CCDC63: variants seen among roughly 807,000 people sequenced by gnomAD.
The protein encoded by CCDC63 is coiled-coil domain containing 63, also known as coiled-coil domain-containing protein 63.
Under a neutral mutation model 63.6 loss-of-function variants are expected in CCDC63, and 54 were observed. The ratio of observed to expected loss-of-function variants is 0.85; its 90% CI spans 0.68 to 1.07. CCDC63 has a LOEUF of 1.07. Ranked by LOEUF, CCDC63 falls within the 50% of genes least tolerant of loss-of-function variation. The pLI is 0.00. For missense variants in CCDC63, 637 were observed against 689.6 expected (o/e 0.92, Z 0.86); for synonymous variants, 253 against 266.1 (o/e 0.95, Z 0.48).
intron 9 of CCDC63, among the ~76,000 whole-genome samples, chr12:110,895,033 GC>G (rs2071401160): frequency 6.6e-6 from 1 of 151,846 alleles, no homozygotes; most frequent in Admixed American, 6.6e-5. Context: ...TCCTGCCTCC[GC>G]CCCCGAGTAG....
At chr12:110,862,534 T>C (rs2070868976) in intron 4 of CCDC63, among the ~76,000 whole-genome samples, 1 of 152,204 alleles carries the variant, frequency 6.6e-6, no homozygotes, top group African/African-American at 2.4e-5. Flanking sequence ...AAGCAGCATC[T>C]GACGTAAAGA....
chr12:110,869,952 A>G (rs984684899), intron 4 of CCDC63, among the ~76,000 whole-genome samples: 3 of 152,200 alleles, frequency 2.0e-5, no homozygotes, highest in African/African-American at 7.2e-5. Flanking sequence ...GAATGGTTAC[A>G]AAGATAATAT....
chr12:110,883,036 A>ATTTT (rs11350129), intron 7 of CCDC63, among the ~76,000 whole-genome samples: 1 of 137,890 alleles, frequency 7.3e-6, no homozygotes, highest in African/African-American at 2.7e-5. Flanking sequence ...CTAATTTTAA[A>ATTTT]TTTTTTTTTT....
chr12:110,905,092 T>C (rs963784521), intron 11 of CCDC63, among the ~76,000 whole-genome samples: 1 of 152,154 alleles, frequency 6.6e-6, no homozygotes, highest in African/African-American at 2.4e-5. Context: ...AACCTTAAAA[T>C]ATCAAAAGTT....
At chr12:110,886,557 G>A (rs2071282322) in intron 8 of CCDC63, among the ~76,000 whole-genome samples, 1 of 152,194 alleles carries the variant, frequency 6.6e-6, no homozygotes, top group South Asian at 2.1e-4. Flanking sequence ...AGGGAGGAAT[G>A]AGGATATGGC....
intron 4 of CCDC63, 78 bp downstream of exon 4, chr12:110,858,853 A>G (rs1269800010): frequency 8.0e-7 from 1 of 1,253,416 alleles, no homozygotes; most frequent in African/African-American, 1.5e-5. Flanking sequence ...GTGATGCCTT[A>G]GGCCAGACCT....
chr12:110,858,143 A>G (rs1371741358), intron 3 of CCDC63, among the ~76,000 whole-genome samples: 1 of 149,906 alleles, frequency 6.7e-6, no homozygotes, highest in Non-Finnish European at 1.5e-5. Flanking sequence ...AAAATAAAAT[A>G]AAATAAAATA....
intron 9 of CCDC63, 47 bp downstream of exon 9, chr12:110,893,197 G>C (rs2071379540): frequency 6.7e-7 from 1 of 1,483,300 alleles, no homozygotes; most frequent in Non-Finnish European, 9.4e-7. Flanking sequence ...TCTGTTGTCT[G>C]TCTCTGTGTC....
chr12:110,862,900 C>T (rs1305229487), intron 4 of CCDC63, among the ~76,000 whole-genome samples: 1 of 152,012 alleles, frequency 6.6e-6, no homozygotes, highest in African/African-American at 2.4e-5. Flanking sequence ...AGATTACAGG[C>T]ACCCGCCACC....
chr12:110,885,556 C>A (rs905373564), intron 8 of CCDC63, among the ~76,000 whole-genome samples: 1 of 152,224 alleles, frequency 6.6e-6, no homozygotes, highest in Non-Finnish European at 1.5e-5. Flanking sequence ...CTCCAAGACA[C>A]CCTCTGCTGC....
intron 1 of CCDC63, 102 bp from the exon 2 acceptor site, chr12:110,852,757 G>C (rs1364650169): frequency 1.4e-6 from 1 of 733,286 alleles, no homozygotes; most frequent in Non-Finnish European, 2.4e-6. Context: ...CCAAGGTGTG[G>C]GTGGAGGAAG....
At position 110,901,053 on chromosome 12, in the gene CCDC63, A is replaced by G. The variant is rs538946228; in HGVS notation, c.1342+1928A>G. ...TATTACAGTAAAAGGGTACAGAACAAAATTGGCAAAGCAATGTGTTAGTGT... is the reference window on the plus strand; with the variant it reads ...TATTACAGTAAAAGGGTACAGAACAGAATTGGCAAAGCAATGTGTTAGTGT... On this transcript the variant is annotated intron_variant, in intron 10 of 11. Transcript: ENST00000308208. Among the ~76,000 whole-genome samples, 326 of 152,322 alleles carry G rather than the reference A, an allele frequency of 2.1e-3. 1 individual carries two copies. Among genetic ancestry groups the G allele is most frequent in the African/African-American group, 7.6e-3 (315 of 41,574 alleles).
chr12:110,860,404 A>G (rs1402322913), intron 4 of CCDC63, among the ~76,000 whole-genome samples: 1 of 152,164 alleles, frequency 6.6e-6, no homozygotes, highest in Non-Finnish European at 1.5e-5. Context: ...GCAGCCTGAC[A>G]GCTTCACAAG....
intron 8 of CCDC63, among the ~76,000 whole-genome samples, chr12:110,886,036 A>C (rs1251581301): frequency 6.6e-6 from 1 of 152,210 alleles, no homozygotes; most frequent in African/African-American, 2.4e-5. Flanking sequence ...TGGCTGCAAA[A>C]AATGGAGTGA....
At chr12:110,854,837 A>C (rs1004894948) in intron 3 of CCDC63, among the ~76,000 whole-genome samples, 1 of 152,072 alleles carries the variant, frequency 6.6e-6, no homozygotes, top group African/African-American at 2.4e-5. Flanking sequence ...CTGGCTCTGT[A>C]ACCCAGGCTG....
intron 1 of CCDC63, among the ~76,000 whole-genome samples, chr12:110,852,148 G>GAT (rs2070712165): frequency 6.6e-6 from 1 of 152,152 alleles, no homozygotes; most frequent in Non-Finnish European, 1.5e-5. Context: ...GTGGTGACAT[G>GAT]ATAAGAATAC....
rs762320804 is a variant in CCDC63, at chr12:110,904,638, C to T, written c.1393C>T (p.Arg465Cys). 10 of 1,613,910 alleles carry T rather than the reference C, an allele frequency of 6.2e-6. No individual in the cohort carries two copies. The highest frequency in any genetic ancestry group is 2.2e-5 in the South Asian group (2 of 91,084). Residue 465 changes from arginine to cysteine, a missense_variant, in exon 11 of 12, where the codon CGC (arginine) becomes TGC (cysteine). Coordinates refer to ENST00000308208, the MANE Select transcript of CCDC63 (RefSeq NM_152591.3). ...NDLLLLETYR[R>C]ILEVEGAEAE... ...CCTGCTGCTGTTGGAGACCTACAGG[C>T]GCATCCTGGAAGTGGAAGGGGCAGA...
At chr12:110,854,683 G>A (rs1206636073) in intron 3 of CCDC63, among the ~76,000 whole-genome samples, 1 of 152,122 alleles carries the variant, frequency 6.6e-6, no homozygotes, top group African/African-American at 2.4e-5. Context: ...TCCCTCCAAG[G>A]GAATGTAATT....
chr12:110,896,297 T>C (rs2071414684), intron 9 of CCDC63, among the ~76,000 whole-genome samples: 1 of 152,100 alleles, frequency 6.6e-6, no homozygotes, highest in African/African-American at 2.4e-5. Context: ...TGAGCCACCA[T>C]GCCTGGCCTA....
Sources: allele counts gnomAD v4.1 joint callset (sites outside exome capture counted in the v4.1 genomes callset), GRCh38; gene constraint gnomAD v4.1.1; transcripts MANE v1.5; gene names NCBI Gene and HGNC (gene_info 2026-07-23, HGNC 2026-07-21).